The following STX7 variants were observed in gnomAD, a reference collection of about 807,000 sequenced individuals.
STX7 encodes the protein syntaxin 7.
A neutral mutation model predicts 39.6 loss-of-function variants in STX7; 34 were observed. The observed-to-expected ratio is 0.86, with a 90% CI of 0.65 to 1.14. The LOEUF (loss-of-function observed/expected upper bound fraction) is 1.14, where lower values mean the gene tolerates loss of function less well. Among genes scored for constraint, STX7 ranks in the 50% most tolerant of loss-of-function variants. The probability of loss-of-function intolerance (pLI) is 0.00; values close to 1 mark genes in which losing one functional copy is unlikely to be tolerated. For synonymous variants in STX7, 119 were observed against 99.1 expected, an observed-to-expected ratio of 1.20 and a Z score of -1.19; for missense variants, 284 against 310.4, an observed-to-expected ratio of 0.92 and a Z score of 0.64.
chr6:132,509,452 AATAACATAAC>A (rs199798662), intron 1 of STX7, among the ~76,000 whole-genome samples: 140 of 9,956 alleles, frequency 0.014, 7 homozygotes, highest in Admixed American at 0.019. Context: ...CTCGTCTCAA[AATAACATAAC>A]ATAACATAAC....
chr6:132,497,344 A>G (rs1775442281), intron 2 of STX7, among the ~76,000 whole-genome samples: 1 of 152,232 alleles, frequency 6.6e-6, no homozygotes, highest in African/African-American at 2.4e-5. Context: ...ATTCTATTAG[A>G]TTAAAAAAAG....
intron 7 of STX7, 123 bp from the exon 8 acceptor site, chr6:132,468,598 A>G (rs1381673919): frequency 1.8e-6 from 1 of 566,968 alleles, no homozygotes; most frequent in Non-Finnish European, 3.1e-6. Flanking sequence ...TAATACACAA[A>G]TATAATACAT....
chr6:132,470,386 A>G (rs1398198457), intron 6 of STX7, among the ~76,000 whole-genome samples, 188 bp downstream of exon 6: 1 of 152,052 alleles, frequency 6.6e-6, no homozygotes, highest in Non-Finnish European at 1.5e-5. Context: ...GGAAAACTTT[A>G]TATATTTTGT....
intron 2 of STX7, among the ~76,000 whole-genome samples, chr6:132,499,946 G>T (rs1775512934): frequency 6.6e-6 from 1 of 152,122 alleles, no homozygotes; most frequent in Non-Finnish European, 1.5e-5. Context: ...CTAGTCGGTT[G>T]CTCAATGCAA....
intron 2 of STX7, among the ~76,000 whole-genome samples, chr6:132,484,200 TGTTACATTTTTCATAACAGAAA>T (rs577992862): frequency 5.9e-5 from 9 of 152,296 alleles, no homozygotes; most frequent in African/African-American, 2.2e-4. Flanking sequence ...TCAAAGAGTA[TGTTACATTTTTCATAACAGAAA>T]AATAATACCA....
chr6:132,485,958 T>C (rs921105457), intron 2 of STX7, among the ~76,000 whole-genome samples: 4 of 152,246 alleles, frequency 2.6e-5, no homozygotes, highest in East Asian at 1.9e-4. Flanking sequence ...TATTTCATAA[T>C]GTTTGATGTT....
At chr6:132,469,027 T>C (rs1193572085) in intron 7 of STX7, among the ~76,000 whole-genome samples, 1 of 152,214 alleles carries the variant, frequency 6.6e-6, no homozygotes, top group Non-Finnish European at 1.5e-5. Flanking sequence ...TTTTCTTCAA[T>C]GACACAATTA....
intron 2 of STX7, among the ~76,000 whole-genome samples, chr6:132,484,005 G>A (rs1189857939): frequency 6.6e-6 from 1 of 152,064 alleles, no homozygotes; most frequent in Non-Finnish European, 1.5e-5. Context: ...CATGAAACAA[G>A]CCGCAGTCTT....
chr6:132,476,067 T>C (rs973183264), intron 2 of STX7, among the ~76,000 whole-genome samples: 15 of 152,104 alleles, frequency 9.9e-5, no homozygotes, highest in South Asian at 2.1e-4. Context: ...ATGAGAGGAA[T>C]AGAATTACAA....
At chr6:132,487,008 T>C (rs1156438874) in intron 2 of STX7, among the ~76,000 whole-genome samples, 2 of 152,188 alleles carry the variant, frequency 1.3e-5, no homozygotes, top group African/African-American at 2.4e-5. Flanking sequence ...CTGGTTTCAA[T>C]ATAAGGATTA....
rs1582635831 is a variant in STX7, at chr6:132,449,062, A to G, written c.*11696T>C. 6.6e-6 allele frequency: 1 copy of G among 150,820 alleles called. No individual in the cohort carries two copies. The highest frequency in any genetic ancestry group is 2.4e-5 in the African/African-American group (1 of 40,926). 9.3% of individuals were successfully genotyped at this position (150,820 alleles called of 1,614,324 possible). ...GGGTACAGTGGCACCATCATAGCTC[A>G]CTGCAGCCTTGAACTCCTGGGCTCG... On this transcript the variant is annotated 3_prime_UTR_variant, in exon 10 of 10. Coordinates refer to ENST00000367941, the MANE Select transcript of STX7 (RefSeq NM_003569.3).
chr6:132,475,319 T>C (rs2114391087), intron 3 of STX7: 1 of 205,840 alleles, frequency 4.9e-6, no homozygotes, highest in South Asian at 1.6e-4. Context: ...AGACGGGGTT[T>C]CACCATATTG....
chr6:132,507,549 A>C (rs2114484518), intron 1 of STX7, among the ~76,000 whole-genome samples: 1 of 152,366 alleles, frequency 6.6e-6, no homozygotes, highest in East Asian at 1.9e-4. Context: ...ATTTCATAGG[A>C]ATGGAATCAT....
At chr6:132,503,104 G>A (rs2114473562) in intron 2 of STX7, among the ~76,000 whole-genome samples, 1 of 152,138 alleles carries the variant, frequency 6.6e-6, no homozygotes, top group East Asian at 1.9e-4. Context: ...GTGCTACCTG[G>A]TTCCAAACCT....
At position 132,456,136 on chromosome 6, in the gene STX7, G is replaced by C. The variant is rs1298492631; in HGVS notation, c.*4622C>G. On this transcript the variant is annotated 3_prime_UTR_variant, in exon 10 of 10. Transcript: ENST00000367941. ...CTGAATCCAACTGCTGCCACCAAGA[G>C]AACGGCTCCTTTTTGGAGCCATTAC... 6.6e-6 allele frequency: 1 copy of C among 152,150 alleles called. No individual in the cohort carries two copies. Among genetic ancestry groups the C allele is most frequent in the Admixed American group, 6.5e-5 (1 of 15,272 alleles). The allele number at this position is 152,150 out of a possible 1,614,324, so 9.4% of individuals were successfully genotyped here.
chr6:132,496,874 G>T (rs1333667777), intron 2 of STX7, among the ~76,000 whole-genome samples: 1 of 152,138 alleles, frequency 6.6e-6, no homozygotes, highest in Non-Finnish European at 1.5e-5. Context: ...TAAAAACTCT[G>T]ATTCTAATCA....
chr6:132,461,870 T>C (rs537269186), intron 9 of STX7: 9 of 1,538,904 alleles, frequency 5.8e-6, no homozygotes, highest in Middle Eastern at 3.4e-4. Flanking sequence ...TCTTACAAAG[T>C]AGAAAAATTT....
rs1368385997 is a variant in STX7, at chr6:132,450,063, G to A, written c.*10695C>T. 3 of 151,848 alleles carry A rather than the reference G, an allele frequency of 2.0e-5. No homozygotes were observed. The highest frequency in any genetic ancestry group is 4.8e-5 in the African/African-American group (2 of 41,354). 9.4% of individuals were successfully genotyped at this position (151,848 alleles called of 1,614,324 possible). Reference sequence around the variant, plus strand: ...TTCTTTACTTTGCCTGGAGTCCATGGCTTAAGTCTCAGAGGCACAGTTTTC... The same window carrying A: ...TTCTTTACTTTGCCTGGAGTCCATGACTTAAGTCTCAGAGGCACAGTTTTC... On this transcript the variant is annotated 3_prime_UTR_variant, in exon 10 of 10. Coordinates refer to ENST00000367941, the MANE Select transcript of STX7 (RefSeq NM_003569.3).
At chr6:132,467,929 A>T (rs1222607667) in intron 8 of STX7, among the ~76,000 whole-genome samples, 1 of 152,210 alleles carries the variant, frequency 6.6e-6, no homozygotes, top group East Asian at 1.9e-4. Context: ...TCTATGTAAT[A>T]CTACTAAATT....
Sources: allele counts gnomAD v4.1 joint callset (sites outside exome capture counted in the v4.1 genomes callset), GRCh38; gene constraint gnomAD v4.1.1; transcripts MANE v1.5; gene names NCBI Gene and HGNC (gene_info 2026-07-23, HGNC 2026-07-21).